The following SHOC2 variants were observed in gnomAD, a reference collection of about 807,000 sequenced individuals.
SHOC2 encodes leucine-rich repeat protein SHOC-2.
SHOC2 carries 4 observed loss-of-function variants against 50.2 expected under a neutral mutation model. That is an observed-to-expected ratio of 0.08 (90% CI 0.04 to 0.18). The LOEUF (loss-of-function observed/expected upper bound fraction) is 0.18. Among genes scored for constraint, SHOC2 ranks in the 10% least tolerant of loss-of-function variants. The probability of loss-of-function intolerance (pLI) is 1.00; values close to 1 mark genes in which losing one functional copy is unlikely to be tolerated. For missense variants in SHOC2, 388 were observed against 669.6 expected, an observed-to-expected ratio of 0.58 and a Z score of 4.64; for synonymous variants, 218 against 244.5, an observed-to-expected ratio of 0.89 and a Z score of 1.01.
chr10:110,956,686 A>G (rs1847470026), intron 1 of SHOC2, among the ~76,000 whole-genome samples: 1 of 152,202 alleles, frequency 6.6e-6, no homozygotes. Context: ...AATGTTTTAA[A>G]TCTTACATTT....
intron 1 of SHOC2, among the ~76,000 whole-genome samples, chr10:110,960,622 T>C (rs1451094105): frequency 6.6e-6 from 1 of 152,192 alleles, no homozygotes; most frequent in Non-Finnish European, 1.5e-5. Flanking sequence ...ATTTGGAATA[T>C]AGTTATGTTC....
At chr10:110,936,096 T>C (rs934745692) in intron 1 of SHOC2, among the ~76,000 whole-genome samples, 2 of 96,392 alleles carry the variant, frequency 2.1e-5, no homozygotes, top group Admixed American at 9.1e-5. Flanking sequence ...GCTTCACTGA[T>C]TTTTTTTTTT....
At chr10:110,973,637 C>T (rs911992711) in intron 2 of SHOC2, among the ~76,000 whole-genome samples, 2 of 151,792 alleles carry the variant, frequency 1.3e-5, no homozygotes, top group African/African-American at 2.4e-5. Context: ...CTTAAATGTT[C>T]GGTAGAATTT....
chr10:110,943,340 A>G (rs960553142), intron 1 of SHOC2, among the ~76,000 whole-genome samples: 1 of 150,022 alleles, frequency 6.7e-6, no homozygotes, highest in Non-Finnish European at 1.5e-5. Flanking sequence ...CTTCCTGCTC[A>G]TATCTGCTGT....
chr10:110,956,792 A>T (rs1847472152), intron 1 of SHOC2, among the ~76,000 whole-genome samples: 1 of 151,886 alleles, frequency 6.6e-6, no homozygotes, highest in Non-Finnish European at 1.5e-5. Context: ...AAAATAAATG[A>T]TTGGGCCCTA....
At chr10:110,957,535 C>CT (rs1436429883) in intron 1 of SHOC2, among the ~76,000 whole-genome samples, 2 of 148,190 alleles carry the variant, frequency 1.3e-5, no homozygotes, top group Admixed American at 6.7e-5. Flanking sequence ...TGAAGATACC[C>CT]CCCCCCCAGC....
At chr10:110,988,811 GT>G (rs1800937953) in intron 3 of SHOC2, 1 of 409,752 alleles carries the variant, frequency 2.4e-6, no homozygotes, top group Non-Finnish European at 4.8e-6. Context: ...AGTTAGCACT[GT>G]AAATTTCCCC....
At chr10:110,998,036 C>CTGT (rs1564726949) in intron 3 of SHOC2, among the ~76,000 whole-genome samples, 1 of 150,354 alleles carries the variant, frequency 6.7e-6, no homozygotes, top group African/African-American at 2.5e-5. Context: ...CCTTGCTGTG[C>CTGT]CACCCAGGCT....
intron 2 of SHOC2, among the ~76,000 whole-genome samples, chr10:110,981,903 G>T (rs1847986909): frequency 1.0e-5 from 1 of 97,710 alleles, no homozygotes; most frequent in Non-Finnish European, 2.3e-5. Flanking sequence ...TGTGCACATT[G>T]TGCAGGTTAG....
chr10:110,936,007 TA>T (rs1798574404), intron 1 of SHOC2, among the ~76,000 whole-genome samples: 2 of 152,300 alleles, frequency 1.3e-5, no homozygotes, highest in South Asian at 4.1e-4. Context: ...TCTTAAAGTT[TA>T]TGAAAACTAT....
At chr10:111,009,671 G>A (rs1463443465) in intron 7 of SHOC2, 42 bp from the exon 8 acceptor site, 1 of 1,201,728 alleles carries the variant, frequency 8.3e-7, no homozygotes, top group Non-Finnish European at 1.2e-6. Flanking sequence ...TTAAATGTAG[G>A]AAATATATTT....
chr10:110,956,551 CT>C (rs2134111178), intron 1 of SHOC2, among the ~76,000 whole-genome samples: 1 of 152,224 alleles, frequency 6.6e-6, no homozygotes, highest in Admixed American at 6.5e-5. Context: ...TTTAAAAAAC[CT>C]TTGTTTTTCA....
intron 1 of SHOC2, among the ~76,000 whole-genome samples, chr10:110,935,940 A>AT (rs1358019387): frequency 1.3e-5 from 2 of 152,028 alleles, no homozygotes; most frequent in Non-Finnish European, 2.9e-5. Flanking sequence ...AAAGTTTGTT[A>AT]TTTTCGATAG....
rs1188545694 is a variant in SHOC2 at position 111,009,770 on chromosome 10, A to C, written c.1480A>C (p.Thr494Pro). The C allele has an allele frequency of 6.2e-7, 1 of 1,613,380 alleles. No individual in the cohort carries two copies. The highest frequency in any genetic ancestry group is 1.3e-5 in the African/African-American group (1 of 74,904). The change falls in exon 8 of 9, where the codon ACT becomes CCT. Residue 494 changes from threonine to proline, a missense_variant. Transcript: ENST00000369452. ...TCTTCCCAGAGGCATTGGTCACCTT[A>C]CTAATCTCACACATCTGGGCCTTGG... is the stretch of plus-strand genomic sequence containing the variant. ...TTLPRGIGHLTNLTHLGLGEN... is the reference protein window; with the variant it reads ...TTLPRGIGHLPNLTHLGLGEN...
chr10:110,938,878 G>A (rs544438951), intron 1 of SHOC2, among the ~76,000 whole-genome samples: 2 of 152,272 alleles, frequency 1.3e-5, no homozygotes, highest in African/African-American at 2.4e-5. Flanking sequence ...GATAATTGCT[G>A]TCCCAGGATG....
intron 2 of SHOC2, among the ~76,000 whole-genome samples, chr10:110,967,913 G>A (rs1316868380): frequency 1.3e-5 from 2 of 152,136 alleles, no homozygotes; most frequent in African/African-American, 4.8e-5. Context: ...TGACTGTTAT[G>A]AGTATAGTTT....
intron 4 of SHOC2, among the ~76,000 whole-genome samples, chr10:111,002,442 G>A (rs541862147): frequency 2.3e-4 from 35 of 152,174 alleles, no homozygotes; most frequent in Non-Finnish European, 5.0e-4. Context: ...TTTGTCATTT[G>A]AAGACTGTCT....
At chr10:110,959,696 C>T (rs903313058) in intron 1 of SHOC2, among the ~76,000 whole-genome samples, 2 of 152,178 alleles carry the variant, frequency 1.3e-5, no homozygotes, top group African/African-American at 4.8e-5. Flanking sequence ...TTTCTAAGCT[C>T]GCCAGATGAT....
In SHOC2 at chr10:111,009,350, T is replaced by G. The variant is rs1848526584; in HGVS notation, c.1387T>G (p.Leu463Val). ...LDLEENKLESLPNEIAYLKDL... is the reference protein window; with the variant it reads ...LDLEENKLESVPNEIAYLKDL... ...TCTAGAAGAGAACAAATTGGAATCC[T>G]TGCCAAATGAAATTGCATATCTTAA... is the stretch of plus-strand genomic sequence containing the variant. Residue 463 changes from leucine (L) to valine (V), a missense_variant, in exon 7 of 9, where the codon TTG becomes GTG. Leu to Val is a conservative substitution (Grantham distance 32, BLOSUM62 1). Around this residue, in one of 5 missense-constraint regions of SHOC2, gnomAD observed 130 missense variants for 208.6 expected, o/e 0.62. Coordinates refer to ENST00000369452, the MANE Select transcript of SHOC2 (RefSeq NM_007373.4). 6.2e-7 allele frequency: 1 copy of G among 1,610,724 alleles called. No homozygotes were observed. The highest frequency in any genetic ancestry group is 8.5e-7 in the Non-Finnish European group (1 of 1,177,210).
Sources: gnomAD v4.1 joint callset for allele counts (sites outside exome capture counted in the v4.1 genomes callset) on GRCh38, gnomAD v4.1.1 for gene constraint, gnomAD v4.1.1 regional missense constraint, MANE v1.5 for transcripts, NCBI Gene and HGNC (gene_info 2026-07-23, HGNC 2026-07-21) for gene names.